The following IFT20 variants were observed in gnomAD, a reference collection of about 807,000 sequenced individuals.
IFT20 encodes the protein intraflagellar transport 20.
IFT20 carries 4 observed loss-of-function variants against 16.9 expected under a neutral mutation model. The observed-to-expected ratio is 0.24, with a 90% CI of 0.12 to 0.54. The LOEUF (loss-of-function observed/expected upper bound fraction) is 0.54. IFT20 is among the 20% of genes least tolerant of loss of function. The pLI is 0.95. For missense variants in IFT20, 154 were observed against 149.7 expected, an observed-to-expected ratio of 1.03 and a Z score of -0.15; for synonymous variants, 48 against 49.9, an observed-to-expected ratio of 0.96 and a Z score of 0.16.
chr17:28,332,291 CTT>C (rs1555576724), intron 1 of IFT20: 1 of 1,310,148 alleles, frequency 7.6e-7, no homozygotes, highest in Non-Finnish European at 1.1e-6. Flanking sequence ...ACACACATTT[CTT>C]GAGTGCCTAC....
Position 28,328,476 on chromosome 17 carries a change from T to C in IFT20, c.*176A>G. 1.6e-6 allele frequency: 1 copy of C among 623,820 alleles called. No individual in the cohort carries two copies. The highest frequency in any genetic ancestry group is 2.9e-6 in the Non-Finnish European group (1 of 348,972). 38.6% of individuals were successfully genotyped at this position (623,820 alleles called of 1,614,324 possible). Reference sequence around the variant, plus strand: ...GCCACCAGCAGCAGCTGTGCACTGATGTTAAAACTGGCTCCCCCAGACTTG... The same window carrying C: ...GCCACCAGCAGCAGCTGTGCACTGACGTTAAAACTGGCTCCCCCAGACTTG... On this transcript the variant is annotated 3_prime_UTR_variant, in exon 5 of 5. Transcript: ENST00000395418.
intron 3 of IFT20, chr17:28,330,143 G>A (rs1427440245): frequency 5.0e-5 from 31 of 626,006 alleles, no homozygotes; most frequent in Non-Finnish European, 7.7e-5. Flanking sequence ...GGGTGAGGTG[G>A]GAGAATCGCT....
At chr17:28,330,666 G>T in intron 2 of IFT20, 138 bp from the exon 3 acceptor site, 1 of 640,454 alleles carries the variant, frequency 1.6e-6, no homozygotes, top group Non-Finnish European at 2.8e-6. Context: ...GGCCAGGCGT[G>T]GTGGAGAGCA....
intron 1 of IFT20, chr17:28,332,296 G>C: frequency 7.8e-7 from 1 of 1,283,306 alleles, no homozygotes; most frequent in South Asian, 1.3e-5. Context: ...CATTTCTTGA[G>C]TGCCTACTAC....
At chr17:28,330,059 CAA>C (rs782275350) in intron 3 of IFT20, 11,830 of 390,166 alleles carry the variant, frequency 0.03, no homozygotes, top group South Asian at 0.057. Context: ...AACTCCGTCT[CAA>C]AAAAAAAAAA....
chr17:28,328,687 TTTG>T lies in IFT20; in HGVS notation c.361_363del (p.Gln121del). 1 of 1,606,382 alleles carries T rather than the reference TTTG, an allele frequency of 6.2e-7. No homozygotes were observed. The highest frequency in any genetic ancestry group is 8.5e-7 in the Non-Finnish European group (1 of 1,177,208). ...AAAATAAATTGGTCAATAAATTCATTTTGTTCTGCTTCTACTTTACACAAAGCT... is the reference window on the plus strand; with the variant it reads ...AAAATAAATTGGTCAATAAATTCATTTTCTGCTTCTACTTTACACAAAGCT... On this transcript the variant is annotated inframe_deletion, in exon 5 of 5. Transcript: ENST00000395418.
intron 3 of IFT20, chr17:28,329,735 G>A (rs782037496): frequency 1.2e-5 from 2 of 165,132 alleles, no homozygotes; most frequent in Non-Finnish European, 2.6e-5. Context: ...CAACCAGCCT[G>A]GCCAACATGG....
intron 2 of IFT20, chr17:28,331,332 G>A (rs1449379703): frequency 6.4e-6 from 1 of 155,384 alleles, no homozygotes; most frequent in Non-Finnish European, 1.4e-5. Context: ...AAGCTCAGAA[G>A]TCCCTTGTTC....
intron 1 of IFT20, among the ~76,000 whole-genome samples, chr17:28,333,930 C>CAA (rs1354591713): frequency 2.7e-5 from 4 of 145,804 alleles, no homozygotes; most frequent in Non-Finnish European, 6.0e-5. Context: ...GACCCTGTCT[C>CAA]AAAAAAAAAA....
At chr17:28,328,888 C>A in intron 4 of IFT20, 155 bp from the exon 5 acceptor site, 1 of 654,704 alleles carries the variant, frequency 1.5e-6, no homozygotes, top group East Asian at 2.7e-5. Flanking sequence ...CCAGAGCCAC[C>A]CATGAGAAAT....
intron 3 of IFT20, 90 bp from the exon 4 acceptor site, chr17:28,329,366 G>C: frequency 2.0e-6 from 2 of 998,770 alleles, no homozygotes; most frequent in Non-Finnish European, 3.1e-6. Flanking sequence ...TGGGAGCTGT[G>C]TCAGTCTTCA....
At chr17:28,331,805 A>G in intron 2 of IFT20, 54 bp downstream of exon 2, 2 of 1,609,464 alleles carry the variant, frequency 1.2e-6, no homozygotes, top group East Asian at 2.2e-5. Context: ...AGCCTGGGGT[A>G]CAGTTGAAAT....
chr17:28,330,277 G>A (rs535981336), intron 3 of IFT20, 166 bp downstream of exon 3: 1 of 636,828 alleles, frequency 1.6e-6, no homozygotes, highest in Non-Finnish European at 2.8e-6. Context: ...ATAAAGATTG[G>A]CAAAAGTTCA....
intron 1 of IFT20, 36 bp downstream of exon 1, chr17:28,335,304 G>A (rs1907075805): frequency 6.6e-6 from 1 of 152,210 alleles, no homozygotes; most frequent in Non-Finnish European, 1.5e-5. Context: ...TCTCGCCCCT[G>A]GTCCGCCCGC....
intron 3 of IFT20, chr17:28,329,562 CATACT>C: frequency 2.8e-6 from 1 of 353,216 alleles, no homozygotes; most frequent in Non-Finnish European, 5.1e-6. Context: ...TTTCACCAAT[CATACT>C]ATGTAAGCCT....
intron 1 of IFT20, chr17:28,332,225 A>C: frequency 6.5e-7 from 1 of 1,535,872 alleles, no homozygotes; most frequent in Non-Finnish European, 8.7e-7. Flanking sequence ...GTGTCATAGG[A>C]GCAAGGGTCA....
intron 1 of IFT20, chr17:28,332,241 GAAT>G (rs782545786): frequency 1.7e-4 from 255 of 1,532,164 alleles, no homozygotes; most frequent in Non-Finnish European, 2.2e-4. Flanking sequence ...GGTCAGGAAA[GAAT>G]AAAGTCCGCT....
intron 2 of IFT20, 118 bp from the exon 3 acceptor site, chr17:28,330,646 G>A (rs1293957883): frequency 1.4e-6 from 1 of 711,070 alleles, no homozygotes; most frequent in African/African-American, 1.8e-5. Context: ...TGTTAAAATA[G>A]TTCGGTGTGG....
chr17:28,328,670 T>C lies in IFT20; in HGVS notation c.381A>G (p.Gln127=), dbSNP rs952917251. 1.9e-6 allele frequency: 3 copies of C among 1,604,006 alleles called. No individual in the cohort carries two copies. In the African/African-American group the frequency reaches 4.0e-5, roughly 22 times the overall value. ...TTTCAGTTCATTTCTGAAAAATAAA[T>C]TGGTCAATAAATTCATTTTGTTCTG... ...VEAEQNEFID[Q]FIFQK Residue 127 remains glutamine (Q), a synonymous_variant, in exon 5 of 5, where the codon CAA becomes CAG. Transcript: ENST00000395418.
Sources: gnomAD v4.1 joint callset for allele counts (sites outside exome capture counted in the v4.1 genomes callset) on GRCh38, gnomAD v4.1.1 for gene constraint, MANE v1.5 for transcripts, NCBI Gene and HGNC (gene_info 2026-07-23, HGNC 2026-07-21) for gene names.